The following PARP4 variants were observed in gnomAD, a reference collection of about 807,000 sequenced individuals.
PARP4 encodes protein mono-ADP-ribosyltransferase PARP4.
In PARP4, 120 loss-of-function variants were observed where a neutral mutation model predicts 187.7. That is an observed-to-expected ratio of 0.64 (90% CI 0.55 to 0.74). The LOEUF is 0.74. Among genes scored for constraint, PARP4 ranks in the 30% least tolerant of loss-of-function variants. The pLI, the probability that PARP4 is intolerant of heterozygous loss-of-function variation, is 0.00. For missense variants in PARP4, 1,836 were observed against 2,070.5 expected (o/e 0.89, Z 2.20); for synonymous variants, 654 against 740.9 (o/e 0.88, Z 1.90).
chr13:24,423,977 A>G (rs940266334), intron 33 of PARP4, among the ~76,000 whole-genome samples: 2 of 151,928 alleles, frequency 1.3e-5, no homozygotes, highest in Non-Finnish European at 1.5e-5. Context: ...CTGGGTAATT[A>G]CAAAAAGTTT....
intron 30 of PARP4, among the ~76,000 whole-genome samples, chr13:24,440,394 T>C (rs545940970): frequency 1.4e-4 from 14 of 99,878 alleles, no homozygotes; most frequent in African/African-American, 4.4e-4. Context: ...CGAGACTCTA[T>C]CTCAAAAAAA....
At chr13:24,492,620 T>C in intron 8 of PARP4, 26 bp from the exon 9 acceptor site, 11 of 1,572,212 alleles carry the variant, frequency 7.0e-6, no homozygotes, top group Non-Finnish European at 9.6e-6. Flanking sequence ...ATATGCTTAT[T>C]ACAATGAAAT....
chr13:24,423,485 C>T (rs1024701621), intron 33 of PARP4, among the ~76,000 whole-genome samples: 22 of 151,580 alleles, frequency 1.5e-4, no homozygotes, highest in African/African-American at 2.7e-4. Context: ...GAGCCGAGAT[C>T]GTGCCACTGC....
intron 28 of PARP4, among the ~76,000 whole-genome samples, chr13:24,443,033 A>G (rs3816218): frequency 0.39 from 57,994 of 149,046 alleles, 11,579 homozygotes; most frequent in African/African-American, 0.45. Context: ...CCAACCCAGC[A>G]GCATCTGAGG....
At chr13:24,502,579 A>G (rs73154385) in intron 2 of PARP4, among the ~76,000 whole-genome samples, 1 of 152,164 alleles carries the variant, frequency 6.6e-6, no homozygotes, top group Non-Finnish European at 1.5e-5. Flanking sequence ...TTGTTCCTCA[A>G]CATTACATAT....
intron 31 of PARP4, among the ~76,000 whole-genome samples, chr13:24,432,015 C>T (rs1870363834): frequency 6.6e-6 from 1 of 152,216 alleles, no homozygotes; most frequent in South Asian, 2.1e-4. Flanking sequence ...GCGTGAGCCA[C>T]CATACCCGGC....
At chr13:24,512,528 C>A (rs533491187) in intron 1 of PARP4, among the ~76,000 whole-genome samples, 178 bp downstream of exon 1, 173 of 152,310 alleles carry the variant, frequency 1.1e-3, no homozygotes, top group African/African-American at 4.0e-3. Flanking sequence ...TATCCCTCCC[C>A]GAGGGCGCTG....
chr13:24,502,959 T>A (rs1361668310), intron 2 of PARP4, among the ~76,000 whole-genome samples: 3 of 152,152 alleles, frequency 2.0e-5, no homozygotes, highest in Non-Finnish European at 4.4e-5. Context: ...AGTCAGCTCA[T>A]CAATTCGTCA....
At chr13:24,505,049 G>A (rs1050155143) in intron 1 of PARP4, among the ~76,000 whole-genome samples, 1 of 148,470 alleles carries the variant, frequency 6.7e-6, no homozygotes, top group Non-Finnish European at 1.5e-5. Flanking sequence ...TGTCACCCAG[G>A]CTGGAGTGCA....
At chr13:24,467,725 CTT>C (rs1872541858) in intron 17 of PARP4, among the ~76,000 whole-genome samples, 1 of 152,218 alleles carries the variant, frequency 6.6e-6, no homozygotes, top group African/African-American at 2.4e-5. Context: ...TCTGATCAGA[CTT>C]TACCCATAGG....
chr13:24,434,735 G>A lies in PARP4; in HGVS notation c.4406C>T (p.Ala1469Val). 6.2e-7 allele frequency: 1 copy of A among 1,613,902 alleles called. No individual in the cohort carries two copies. Among genetic ancestry groups the A allele is most frequent in the Non-Finnish European group, 8.5e-7 (1 of 1,179,946 alleles). ...CAGCCTAAGGTTGGCAGTCAAAGAG[G>A]CTGCGGAAGGTTGAAAATGAAAAGG... ...SSPFHFQPSA[A>V]SLTANLRLPM... Residue 1469 changes from alanine to valine, a missense_variant, in exon 31 of 34, where the codon GCC becomes GTC. Physicochemically the swap from Ala to Val is moderately conservative, Grantham distance 64. Around this residue, in one of 8 missense-constraint regions of PARP4, gnomAD observed 450 missense variants for 439.2 expected, o/e 1.02. Transcript: ENST00000381989.
intron 33 of PARP4, among the ~76,000 whole-genome samples, chr13:24,424,208 A>G (rs1216895132): frequency 3.3e-5 from 5 of 152,170 alleles, no homozygotes; most frequent in Non-Finnish European, 7.3e-5. Context: ...TATTTCTTTA[A>G]TATCATAAAA....
rs1223734496 is a variant in PARP4 at position 24,503,750 on chromosome 13, A to G, written c.27T>C (p.Cys9=). 9.3e-6 allele frequency: 15 copies of G among 1,614,142 alleles called. No homozygotes were observed. Among genetic ancestry groups the G allele is most frequent in the Non-Finnish European group, 1.3e-5 (15 of 1,179,980 alleles). MVMGIFAN[C]IFCLKVKYLP... ...AGTACTTCACTTTCAAACAGAAGAT[A>G]CAATTTGCAAAGATTCCCATCACCA... The change falls in exon 2 of 34, where the codon TGT becomes TGC. Residue 9 remains cysteine, a synonymous_variant. Coordinates refer to ENST00000381989, the MANE Select transcript of PARP4 (RefSeq NM_006437.4).
chr13:24,498,364 G>C (rs1345033), intron 5 of PARP4, 135 bp from the exon 6 acceptor site: 4 of 595,878 alleles, frequency 6.7e-6, no homozygotes, highest in Non-Finnish European at 8.9e-6. Flanking sequence ...AAAGTATCAA[G>C]AAGAAAATTA....
chr13:24,476,806 G>A (rs571121558), intron 14 of PARP4, among the ~76,000 whole-genome samples: 155 of 152,292 alleles, frequency 1.0e-3, no homozygotes, highest in African/African-American at 3.6e-3. Flanking sequence ...CCTCTTGTAT[G>A]CTCGCACTAC....
rs1868789028 is a variant in PARP4 at position 24,493,650 on chromosome 13, C to A, written c.825G>T (p.Leu275=). ...TGAGAAGCATGTGTTCCAGGTGGCC[C>A]AGGGCCTCTGCCCAAATCATCTCTA... ...DLVEMIWAEA[L]GHLEHMLLKP... The change falls in exon 8 of 34, where the codon CTG becomes CTT. Residue 275 remains leucine, a synonymous_variant. Transcript: ENST00000381989. The A allele has an allele frequency of 6.2e-7, 1 of 1,613,964 alleles. No homozygotes were observed. The highest frequency in any genetic ancestry group is 8.5e-7 in the Non-Finnish European group (1 of 1,180,000).
At chr13:24,441,481 A>G (rs4770681) in intron 30 of PARP4, among the ~76,000 whole-genome samples, 43,379 of 149,750 alleles carry the variant, frequency 0.29, 2,057 homozygotes, top group Middle Eastern at 0.32. Flanking sequence ...AGCACTATAA[A>G]CTTTAAGAAA....
intron 1 of PARP4, among the ~76,000 whole-genome samples, chr13:24,504,964 G>A (rs1869530050): frequency 6.7e-6 from 1 of 150,120 alleles, no homozygotes; most frequent in South Asian, 2.1e-4. Context: ...CAAAATTGTG[G>A]GATTACAGGC....
intron 12 of PARP4, among the ~76,000 whole-genome samples, chr13:24,481,572 A>G (rs565013599): frequency 6.6e-6 from 1 of 152,302 alleles, no homozygotes; most frequent in South Asian, 2.1e-4. Flanking sequence ...ATGCGCCTGT[A>G]ATCCCAGCTA....
Sources: allele counts gnomAD v4.1 joint callset (sites outside exome capture counted in the v4.1 genomes callset), GRCh38; gene constraint gnomAD v4.1.1; regional missense constraint gnomAD v4.1.1; transcripts MANE v1.5; gene names NCBI Gene and HGNC (gene_info 2026-07-23, HGNC 2026-07-21).